Variants in DLG2 observed in about 807,000 individuals in gnomAD.
The protein encoded by DLG2 is discs large MAGUK scaffold protein 2.
A neutral mutation model predicts 132.5 loss-of-function variants in DLG2; 45 were observed. That is an observed-to-expected ratio of 0.34 (90% CI 0.27 to 0.44). DLG2 has a LOEUF of 0.44. Ranked by LOEUF, DLG2 falls within the 20% of genes least tolerant of loss-of-function variation. The pLI is 1.00. For synonymous variants in DLG2, 424 were observed against 419.6 expected (o/e 1.01, Z -0.13); for missense variants, 1,045 against 1,196.9 (o/e 0.87, Z 1.87).
chr11:85,003,329 A>G (rs1449264363), intron 6 of DLG2, among the ~76,000 whole-genome samples: 3 of 152,204 alleles, frequency 2.0e-5, no homozygotes, highest in Non-Finnish European at 4.4e-5. Flanking sequence ...GCATTTCAAA[A>G]AAAATATTCA....
intron 3 of DLG2, among the ~76,000 whole-genome samples, chr11:85,355,708 C>A (rs1423820074): frequency 6.6e-6 from 1 of 151,964 alleles, no homozygotes; most frequent in Non-Finnish European, 1.5e-5. Context: ...AGTCCAATAT[C>A]AGGCATCCCA....
At chr11:84,492,056 A>G (rs1228249114) in intron 7 of DLG2, among the ~76,000 whole-genome samples, 1 of 152,190 alleles carries the variant, frequency 6.6e-6, no homozygotes, top group Non-Finnish European at 1.5e-5. Context: ...GTAAAAAATT[A>G]TGACCGAACA....
chr11:84,987,249 A>C (rs1460198175), intron 6 of DLG2, among the ~76,000 whole-genome samples: 2 of 152,204 alleles, frequency 1.3e-5, no homozygotes, highest in African/African-American at 4.8e-5. Flanking sequence ...AACACTGCTG[A>C]AAGAAATCAC....
intron 11 of DLG2, among the ~76,000 whole-genome samples, chr11:84,041,942 G>A (rs972128093): frequency 6.6e-6 from 1 of 151,844 alleles, no homozygotes; most frequent in Non-Finnish European, 1.5e-5. Context: ...GAGTTTCCCT[G>A]TACAAGCTCT....
chr11:84,064,287 A>G (rs1264576196), intron 10 of DLG2, among the ~76,000 whole-genome samples: 2 of 152,176 alleles, frequency 1.3e-5, no homozygotes, highest in Non-Finnish European at 2.9e-5. Flanking sequence ...AAGATAGCGA[A>G]GTTTTAATTT....
At chr11:85,442,836 G>A (rs796685511) in intron 3 of DLG2, among the ~76,000 whole-genome samples, 26 of 151,902 alleles carry the variant, frequency 1.7e-4, no homozygotes, top group Non-Finnish European at 7.4e-5. Context: ...ATTTCATCAC[G>A]CGACTACACT....
chr11:84,052,706 A>G (rs983134894), intron 11 of DLG2, among the ~76,000 whole-genome samples: 1 of 135,380 alleles, frequency 7.4e-6, no homozygotes, highest in South Asian at 2.4e-4. Flanking sequence ...AAAAAAAAAA[A>G]CAGATGCAGG....
intron 3 of DLG2, among the ~76,000 whole-genome samples, chr11:85,313,131 G>GA (rs1565308443): frequency 6.6e-6 from 1 of 151,622 alleles, no homozygotes; most frequent in Non-Finnish European, 1.5e-5. Context: ...TATTTAGAAA[G>GA]AAAAAAATAA....
chr11:84,771,997 C>G (rs1194628323), intron 6 of DLG2, among the ~76,000 whole-genome samples: 1 of 152,106 alleles, frequency 6.6e-6, no homozygotes, highest in African/African-American at 2.4e-5. Flanking sequence ...AATATACCAT[C>G]TGCAGTCTTG....
intron 7 of DLG2, among the ~76,000 whole-genome samples, chr11:84,480,191 A>G (rs2099132970): frequency 6.6e-6 from 1 of 152,118 alleles, no homozygotes; most frequent in African/African-American, 2.4e-5. Flanking sequence ...ATTTCTTTTA[A>G]TCTTGAGAAC....
chr11:85,388,939 G>A (rs1022842221), intron 3 of DLG2, among the ~76,000 whole-genome samples: 2 of 152,054 alleles, frequency 1.3e-5, no homozygotes, highest in East Asian at 3.9e-4. Context: ...GACAAAACAA[G>A]GTTCTCTAAT....
chr11:85,460,553 T>A (rs1005985018), intron 3 of DLG2, among the ~76,000 whole-genome samples: 1 of 152,218 alleles, frequency 6.6e-6, no homozygotes. Flanking sequence ...GTTGTTTCCT[T>A]GATGAACCCT....
chr11:84,703,379 A>G (rs2059406047), intron 6 of DLG2, among the ~76,000 whole-genome samples: 2 of 151,612 alleles, frequency 1.3e-5, no homozygotes, highest in African/African-American at 4.8e-5. Flanking sequence ...TTCTTTCCTC[A>G]GATTAGATTT....
rs116542408 is a variant in DLG2, at chr11:84,347,898, T to A, written c.520-96607A>T. On this transcript the variant is annotated intron_variant, in intron 7 of 27. Coordinates refer to ENST00000376104, the MANE Select transcript of DLG2 (RefSeq NM_001142699.3). ...TACAGATTGCATAAGGGTTTATGAGTCTTTACAGCCAAAAATATCTGGGTT... is the reference window on the plus strand; with the variant it reads ...TACAGATTGCATAAGGGTTTATGAGACTTTACAGCCAAAAATATCTGGGTT... Among the ~76,000 whole-genome samples, 1,168 of 152,324 alleles carry A rather than the reference T, an allele frequency of 7.7e-3. 15 individuals are homozygous for A. The highest frequency in any genetic ancestry group is 0.027 in the African/African-American group (1,113 of 41,562).
rs186836866 is a variant in DLG2 at position 84,353,892 on chromosome 11, T to C, written c.520-102601A>G. ...CATTCTCACTCAGGTTTAATTTATGTTAGATCTTCCTCAACCTCCCTGATT... is the reference window on the plus strand; with the variant it reads ...CATTCTCACTCAGGTTTAATTTATGCTAGATCTTCCTCAACCTCCCTGATT... On this transcript the variant is annotated intron_variant, in intron 7 of 27. Transcript: ENST00000376104. 3.0e-3 allele frequency among the ~76,000 whole-genome samples: 457 copies of C among 152,270 alleles called. 2 individuals carry two copies. Among genetic ancestry groups the C allele is most frequent in the African/African-American group, 0.01 (434 of 41,552 alleles).
rs2089468961 is a variant in DLG2 at position 83,459,355 on chromosome 11, T to C, written c.*463A>G. On this transcript the variant is annotated 3_prime_UTR_variant, in exon 28 of 28. Transcript: ENST00000376104. ...TTCTTTTTTCCTTCTTTCTTTCATT[T>C]GCTTGTTAAGAAATCAAAAGATGTG... 6.5e-6 allele frequency: 1 copy of C among 152,934 alleles called. No individual in the cohort carries two copies. Among genetic ancestry groups the C allele is most frequent in the Non-Finnish European group, 1.5e-5 (1 of 68,242 alleles). The allele number at this position is 152,934 out of a possible 1,614,324, so 9.5% of individuals were successfully genotyped here.
intron 4 of DLG2, among the ~76,000 whole-genome samples, chr11:85,228,807 C>A (rs1353842316): frequency 1.3e-5 from 2 of 151,470 alleles, no homozygotes; most frequent in African/African-American, 4.8e-5. Context: ...ATTGTCATTT[C>A]TTATCCTATT....
chr11:83,623,460 G>A (rs7951043), intron 19 of DLG2, among the ~76,000 whole-genome samples: 15,962 of 152,188 alleles, frequency 0.1, 1,469 homozygotes, highest in African/African-American at 0.24. Flanking sequence ...CTGTCCGGAA[G>A]CAGAATTTAA....
intron 8 of DLG2, among the ~76,000 whole-genome samples, chr11:84,181,363 T>C (rs1176458932): frequency 1.3e-5 from 2 of 151,486 alleles, no homozygotes; most frequent in Non-Finnish European, 1.5e-5. Context: ...AATTGATATA[T>C]TAATAAAGAA....
Sources: gnomAD v4.1 joint callset for allele counts (sites outside exome capture counted in the v4.1 genomes callset) on GRCh38, gnomAD v4.1.1 for gene constraint, MANE v1.5 for transcripts, NCBI Gene and HGNC (gene_info 2026-07-23, HGNC 2026-07-21) for gene names.